The following APBA2 variants were observed in gnomAD, a reference collection of about 807,000 sequenced individuals.
The protein encoded by APBA2 is amyloid-beta A4 precursor protein-binding family A member 2.
In APBA2, 30 loss-of-function variants were observed where a neutral mutation model predicts 75.0. The ratio of observed to expected loss-of-function variants is 0.40; its 90% CI spans 0.30 to 0.54. The LOEUF (loss-of-function observed/expected upper bound fraction) is 0.54, where lower values mean the gene tolerates loss of function less well. Among genes scored for constraint, APBA2 ranks in the 20% least tolerant of loss-of-function variants. The pLI, the probability that APBA2 is intolerant of heterozygous loss-of-function variation, is 0.49. For synonymous variants in APBA2, 444 were observed against 409.6 expected (o/e 1.08, Z -1.01); for missense variants, 801 against 1,016.1 (o/e 0.79, Z 2.88).
chr15:29,113,361 A>T (rs1181980926), intron 13 of APBA2, among the ~76,000 whole-genome samples: 3 of 148,336 alleles, frequency 2.0e-5, no homozygotes, highest in Non-Finnish European at 4.5e-5. Flanking sequence ...CGGGGGGGGG[A>T]TGTAGGAATA....
At chr15:28,889,057 C>T (rs984426215) in intron 1 of APBA2, among the ~76,000 whole-genome samples, 1 of 152,190 alleles carries the variant, frequency 6.6e-6, no homozygotes, top group Non-Finnish European at 1.5e-5. Flanking sequence ...GTGGTTGGCC[C>T]GAGTGCCCAC....
intron 1 of APBA2, among the ~76,000 whole-genome samples, chr15:28,919,190 G>A (rs565242124): frequency 6.6e-6 from 1 of 152,276 alleles, no homozygotes; most frequent in Non-Finnish European, 1.5e-5. Flanking sequence ...AGTTGCTGGA[G>A]TGTTCTGCAC....
chr15:28,934,680 C>T (rs1299554667), intron 2 of APBA2, among the ~76,000 whole-genome samples: 2 of 152,072 alleles, frequency 1.3e-5, no homozygotes, highest in Admixed American at 6.5e-5. Context: ...AGTATTTTAT[C>T]CCCTGGGGCC....
chr15:29,059,200 T>G (rs903982302), intron 4 of APBA2, among the ~76,000 whole-genome samples: 20 of 151,812 alleles, frequency 1.3e-4, no homozygotes, highest in African/African-American at 4.6e-4. Flanking sequence ...TAATGTTCTT[T>G]GCATTTTTGT....
rs1173770325 is a variant in APBA2, at chr15:29,046,119, A to G, written c.-40-7726A>G. ...AAAGGGCTTCCTGAAAAAGTTGCTT[A>G]CACATTGAGGTGTGTTAAATGGAAT... On this transcript the variant is annotated intron_variant, in intron 3 of 14. Coordinates refer to ENST00000683413, the MANE Select transcript of APBA2 (RefSeq NM_001353788.2). The surrounding 1 kb of genome is among the most constrained non-coding windows in gnomAD (Gnocchi z 5.0). Among the ~76,000 whole-genome samples, 2 of 152,186 alleles carry G rather than the reference A, an allele frequency of 1.3e-5. No homozygotes were observed. Among genetic ancestry groups the G allele is most frequent in the African/African-American group, 4.8e-5 (2 of 41,446 alleles).
At chr15:28,994,581 C>G (rs2038409666) in intron 2 of APBA2, among the ~76,000 whole-genome samples, 1 of 152,148 alleles carries the variant, frequency 6.6e-6, no homozygotes, top group African/African-American at 2.4e-5. Flanking sequence ...TCTTTAGCCT[C>G]CTCAGAGACG....
At chr15:29,051,581 A>T (rs1322483548) in intron 3 of APBA2, among the ~76,000 whole-genome samples, 1 of 152,156 alleles carries the variant, frequency 6.6e-6, no homozygotes, top group Non-Finnish European at 1.5e-5. Context: ...TCTGGACTGG[A>T]TGAAATAATT....
intron 1 of APBA2, among the ~76,000 whole-genome samples, chr15:28,900,439 C>T (rs369426214): frequency 2.6e-5 from 4 of 152,332 alleles, no homozygotes; most frequent in South Asian, 4.1e-4. Context: ...ACTCAGGTCA[C>T]TTTATGCTTG....
chr15:29,053,155 G>A (rs1441505158), intron 3 of APBA2, among the ~76,000 whole-genome samples: 1 of 152,146 alleles, frequency 6.6e-6, no homozygotes, highest in East Asian at 1.9e-4. Flanking sequence ...GTCACCCCAC[G>A]ATACCTGCAG....
At position 29,077,259 on chromosome 15, in the gene APBA2, T is replaced by C. The variant is rs1233370326; in HGVS notation, c.1069+1168T>C. Among the ~76,000 whole-genome samples, 4 of 152,164 alleles carry C rather than the reference T, an allele frequency of 2.6e-5. No homozygotes were observed. In the East Asian group the frequency reaches 7.7e-4, roughly 29 times the overall value. On this transcript the variant is annotated intron_variant, in intron 6 of 14. Transcript: ENST00000683413. ...TCCCCACATTCCCGCTTGTAGTGTT[T>C]GATTGGGTTCCTGGTTTATAGGAGC...
intron 3 of APBA2, among the ~76,000 whole-genome samples, chr15:29,023,621 A>G (rs1026746916): frequency 6.6e-6 from 1 of 151,030 alleles, no homozygotes; most frequent in Non-Finnish European, 1.5e-5. Flanking sequence ...ATGCTTGACT[A>G]ATTTTTGTAT....
At chr15:29,004,627 G>A (rs1207552282) in intron 3 of APBA2, among the ~76,000 whole-genome samples, 1 of 152,208 alleles carries the variant, frequency 6.6e-6, no homozygotes, top group Non-Finnish European at 1.5e-5. Context: ...CTGGCATAAC[G>A]CACGGCTGCT....
intron 3 of APBA2, among the ~76,000 whole-genome samples, chr15:29,037,977 A>G (rs2040830470): frequency 6.6e-6 from 1 of 152,178 alleles, no homozygotes; most frequent in African/African-American, 2.4e-5. Flanking sequence ...AATGGCAATC[A>G]AATTTCCACA....
At chr15:29,108,442 G>T (rs199884643) in intron 13 of APBA2, 53 bp downstream of exon 13, 22 of 1,612,760 alleles carry the variant, frequency 1.4e-5, no homozygotes, top group African/African-American at 2.7e-5. Flanking sequence ...GGCCCAGGGA[G>T]GGGGAGCAGC....
At chr15:29,096,702 A>G (rs1401623035) in intron 8 of APBA2, among the ~76,000 whole-genome samples, 1 of 152,224 alleles carries the variant, frequency 6.6e-6, no homozygotes, top group Non-Finnish European at 1.5e-5. Flanking sequence ...AAAACTCAAA[A>G]TTCTTGAGGA....
rs141680231 is a variant in APBA2, at chr15:28,959,760, G to A, written c.-94-35993G>A. Reference sequence around the variant, plus strand: ...TGCTCCCGAAGTTCAGGGAGCATGGGGCCTATAGCAGAGAACTAGGCAGCA... The same window carrying A: ...TGCTCCCGAAGTTCAGGGAGCATGGAGCCTATAGCAGAGAACTAGGCAGCA... On this transcript the variant is annotated intron_variant, in intron 2 of 14. Transcript: ENST00000683413. 1.8e-3 allele frequency among the ~76,000 whole-genome samples: 278 copies of A among 152,290 alleles called. 1 individual carries two copies. Among genetic ancestry groups the A allele is most frequent in the African/African-American group, 6.5e-3 (270 of 41,562 alleles).
At chr15:28,984,933 CT>C (rs1166682651) in intron 2 of APBA2, among the ~76,000 whole-genome samples, 9 of 151,952 alleles carry the variant, frequency 5.9e-5, no homozygotes, top group African/African-American at 2.2e-4. Context: ...CTCTCTCTCT[CT>C]CTCCCTCTCT....
At chr15:29,041,863 C>T (rs1434079422) in intron 3 of APBA2, among the ~76,000 whole-genome samples, 1 of 152,100 alleles carries the variant, frequency 6.6e-6, no homozygotes, top group Non-Finnish European at 1.5e-5. Context: ...GGAGAATTTC[C>T]CAGAAGATGA....
chr15:29,021,306 A>T (rs2039942965), intron 3 of APBA2, among the ~76,000 whole-genome samples: 1 of 152,176 alleles, frequency 6.6e-6, no homozygotes, highest in Admixed American at 6.5e-5. Context: ...AGGCGGGCGG[A>T]TCACCTGAGG....
Sources: allele counts gnomAD v4.1 joint callset (sites outside exome capture counted in the v4.1 genomes callset), GRCh38; gene constraint gnomAD v4.1.1; non-coding constraint Gnocchi (gnomAD v3.1); transcripts MANE v1.5; gene names NCBI Gene and HGNC (gene_info 2026-07-23, HGNC 2026-07-21).